The following WIPF2 variants were observed in gnomAD, a reference collection of about 807,000 sequenced individuals.
The protein encoded by WIPF2 is WAS/WASL-interacting protein family member 2.
In WIPF2, 23 loss-of-function variants were observed where a neutral mutation model predicts 38.8. The ratio of observed to expected loss-of-function variants is 0.59; its 90% CI spans 0.43 to 0.84. The LOEUF (loss-of-function observed/expected upper bound fraction) is 0.84, where lower values mean the gene tolerates loss of function less well. Among genes scored for constraint, WIPF2 ranks in the 40% least tolerant of loss-of-function variants. WIPF2 has a pLI of 0.00. For missense variants in WIPF2, 574 were observed against 580.5 expected (o/e 0.99, Z 0.11); for synonymous variants, 210 against 223.2 (o/e 0.94, Z 0.53).
At chr17:40,226,710 T>G (rs1481431376) in intron 1 of WIPF2, among the ~76,000 whole-genome samples, 2 of 152,142 alleles carry the variant, frequency 1.3e-5, no homozygotes, top group Non-Finnish European at 2.9e-5. Flanking sequence ...CAGAACTGTT[T>G]TTAGCAAATT....
intron 1 of WIPF2, among the ~76,000 whole-genome samples, chr17:40,254,819 C>T (rs925059768): frequency 2.0e-5 from 3 of 152,054 alleles, no homozygotes; most frequent in African/African-American, 7.2e-5. Context: ...GCACCTCCAC[C>T]TCCCGGATTC....
At chr17:40,264,057 A>G (rs1226266175) in intron 4 of WIPF2, among the ~76,000 whole-genome samples, 1 of 151,942 alleles carries the variant, frequency 6.6e-6, no homozygotes, top group East Asian at 1.9e-4. Context: ...ACTAGGCCGG[A>G]CGTGGTGGCT....
chr17:40,261,920 C>T (rs1275204328), intron 3 of WIPF2, among the ~76,000 whole-genome samples: 7 of 115,632 alleles, frequency 6.1e-5, no homozygotes, highest in African/African-American at 1.6e-4. Context: ...ATGATCCGCC[C>T]GCCTCCGCCT....
chr17:40,252,435 G>A (rs551675298), intron 1 of WIPF2, among the ~76,000 whole-genome samples: 3 of 152,240 alleles, frequency 2.0e-5, no homozygotes, highest in East Asian at 1.9e-4. Flanking sequence ...TGGCCGAGGC[G>A]TGAGGATCAT....
At chr17:40,250,546 G>C (rs2031526377) in intron 1 of WIPF2, among the ~76,000 whole-genome samples, 1 of 151,712 alleles carries the variant, frequency 6.6e-6, no homozygotes, top group Non-Finnish European at 1.5e-5. Context: ...ACCACACCCG[G>C]CCTTTATCTT....
intron 1 of WIPF2, among the ~76,000 whole-genome samples, chr17:40,230,506 T>C (rs1004975741): frequency 4.6e-5 from 7 of 152,170 alleles, no homozygotes; most frequent in South Asian, 2.1e-4. Context: ...ATAAGAACTT[T>C]CCTGGATGAA....
chr17:40,255,628 A>AT (rs1174598826), intron 1 of WIPF2, among the ~76,000 whole-genome samples: 1,630 of 129,360 alleles, frequency 0.013, 16 homozygotes, highest in African/African-American at 0.028. Flanking sequence ...CCCGGCCTAA[A>AT]TTTTTTTTTT....
chr17:40,270,365 C>CAA lies in WIPF2; in HGVS notation c.971-3408_971-3407dup, dbSNP rs574916961. Among the ~76,000 whole-genome samples the CAA allele has an allele frequency of 2.8e-3, 192 of 68,260 alleles. 1 individual carries two copies. Among genetic ancestry groups the CAA allele is most frequent in the Non-Finnish European group, 4.0e-3 (133 of 32,992 alleles). 44.8% of individuals were successfully genotyped at this position (68,260 alleles called of 152,430 possible). On this transcript the variant is annotated intron_variant, in intron 5 of 7. Transcript: ENST00000323571. ...TGGGGGACAGAGCGAGACTCCGTCT[C>CAA]AAAAAAAAAAAAAAAAAAGAAAAAT...
At chr17:40,237,925 G>T (rs993638614) in intron 1 of WIPF2, among the ~76,000 whole-genome samples, 1 of 150,416 alleles carries the variant, frequency 6.6e-6, no homozygotes, top group Non-Finnish European at 1.5e-5. Flanking sequence ...AATTAGCCAG[G>T]TGTGGTGACG....
At chr17:40,225,424 C>T (rs2030438631) in intron 1 of WIPF2, among the ~76,000 whole-genome samples, 1 of 151,988 alleles carries the variant, frequency 6.6e-6, no homozygotes, top group Non-Finnish European at 1.5e-5. Context: ...TCAGTCTTAA[C>T]TCTCTTTAAG....
chr17:40,278,823 C>CTGAACAA lies in WIPF2; in HGVS notation c.*598_*599insTGAACAA. Reference sequence around the variant, plus strand: ...CACCTGCTGCCCCCCCACCCCACCACCCCAGGGATAAATTGGATATAAACA... The same window carrying CTGAACAA: ...CACCTGCTGCCCCCCCACCCCACCACTGAACAACCCAGGGATAAATTGGATATAAACA... On this transcript the variant is annotated 3_prime_UTR_variant, in exon 8 of 8. Transcript: ENST00000323571. 6.6e-6 allele frequency: 1 copy of CTGAACAA among 151,744 alleles called. No individual in the cohort carries two copies. 9.4% of individuals were successfully genotyped at this position (151,744 alleles called of 1,614,324 possible).
chr17:40,248,416 G>A (rs1477195852), intron 1 of WIPF2, among the ~76,000 whole-genome samples: 2 of 151,772 alleles, frequency 1.3e-5, no homozygotes, highest in Non-Finnish European at 2.9e-5. Context: ...AGATCCGTCC[G>A]CCTCGGCCTC....
At chr17:40,259,728 T>C (rs1431354701) in intron 2 of WIPF2, among the ~76,000 whole-genome samples, 1 of 152,204 alleles carries the variant, frequency 6.6e-6, no homozygotes, top group Non-Finnish European at 1.5e-5. Flanking sequence ...TATTGTTTAC[T>C]AGTTGCATGA....
rs964211039 is a variant in WIPF2, at chr17:40,273,978, A to C, written c.1159A>C (p.Thr387Pro). The change falls in exon 6 of 8, where the codon ACC (threonine) becomes CCC (proline). Residue 387 changes from threonine (T) to proline (P), a missense_variant. Thr to Pro is a conservative substitution (Grantham distance 38). Transcript: ENST00000323571. ...GAGGAATGGCCACAGAGATTCTATC[A>C]CCACTGTCCGGTCTTTCTTGGGTGA... ...PLRNGHRDSI[T>P]TVRSFLDDFE... The C allele has an allele frequency of 1.3e-6, 2 of 1,566,780 alleles. No individual in the cohort carries two copies. The highest frequency in any genetic ancestry group is 2.3e-5 in the East Asian group (1 of 42,722).
intron 4 of WIPF2, among the ~76,000 whole-genome samples, chr17:40,263,463 G>A (rs1486921315): frequency 6.6e-6 from 1 of 151,948 alleles, no homozygotes; most frequent in Non-Finnish European, 1.5e-5. Flanking sequence ...GGCCCCAGGG[G>A]TTGGCGACCC....
chr17:40,273,822 G>A lies in WIPF2; in HGVS notation c.1003G>A (p.Gly335Ser), dbSNP rs763141499. The A allele has an allele frequency of 6.8e-6, 11 of 1,606,958 alleles. No homozygotes were observed. Among genetic ancestry groups the A allele is most frequent in the Non-Finnish European group, 7.7e-6 (9 of 1,175,620 alleles). Reference sequence around the variant, plus strand: ...ACCCCCACCACCTGTGATCCGAAATGGTGCCAGGGATGCTCCCCCTCCCCC... The same window carrying A: ...ACCCCCACCACCTGTGATCCGAAATAGTGCCAGGGATGCTCCCCCTCCCCC... ...PPPPPPVIRN[G>S]ARDAPPPPPP... The change falls in exon 6 of 8, where the codon GGT becomes AGT. Residue 335 changes from glycine to serine, a missense_variant. Gly to Ser is a moderately conservative substitution (Grantham distance 56). Transcript: ENST00000323571.
intron 1 of WIPF2, among the ~76,000 whole-genome samples, chr17:40,230,254 A>G (rs2030683426): frequency 6.6e-6 from 1 of 152,150 alleles, no homozygotes; most frequent in South Asian, 2.1e-4. Context: ...GAGGAGGATC[A>G]CTTGAGCCCC....
intron 1 of WIPF2, among the ~76,000 whole-genome samples, chr17:40,239,106 C>G (rs557379292): frequency 3.3e-5 from 5 of 151,106 alleles, no homozygotes; most frequent in African/African-American, 1.2e-4. Context: ...GAGTCTCGCT[C>G]TGTCGCCCAG....
chr17:40,256,344 T>C (rs2031730214), intron 1 of WIPF2, 47 bp from the exon 2 acceptor site: 3 of 1,484,046 alleles, frequency 2.0e-6, no homozygotes, highest in East Asian at 2.5e-5. Flanking sequence ...TGGGCACTTG[T>C]ATCTAATGGT....
Sources: gnomAD v4.1 joint callset for allele counts (sites outside exome capture counted in the v4.1 genomes callset) on GRCh38, gnomAD v4.1.1 for gene constraint, MANE v1.5 for transcripts, NCBI Gene and HGNC (gene_info 2026-07-23, HGNC 2026-07-21) for gene names.